The following NADK variants were observed in gnomAD, a reference collection of about 807,000 sequenced individuals.
NADK encodes the protein NAD kinase.
Under a neutral mutation model 49.8 loss-of-function variants are expected in NADK, and 22 were observed. The ratio of observed to expected loss-of-function variants is 0.44; its 90% CI spans 0.32 to 0.63. The LOEUF (loss-of-function observed/expected upper bound fraction) is 0.63, where lower values mean the gene tolerates loss of function less well. Among genes scored for constraint, NADK ranks in the 30% least tolerant of loss-of-function variants. The pLI, the probability that NADK is intolerant of heterozygous loss-of-function variation, is 0.06. For synonymous variants in NADK, 268 were observed against 253.7 expected (o/e 1.06, Z -0.54); for missense variants, 438 against 609.4 (o/e 0.72, Z 2.96).
At chr1:1,760,420 G>A (rs946819365) in intron 3 of NADK, among the ~76,000 whole-genome samples, 10 of 152,220 alleles carry the variant, frequency 6.6e-5, no homozygotes, top group Admixed American at 2.0e-4. Flanking sequence ...CTCCTCGGAT[G>A]ACTCCCCCGT....
chr1:1,774,032 G>A (rs1646135670), intron 1 of NADK, among the ~76,000 whole-genome samples: 1 of 151,996 alleles, frequency 6.6e-6, no homozygotes, highest in Non-Finnish European at 1.5e-5. Context: ...ACTGCACCCA[G>A]CCTAGAAGCT....
intron 1 of NADK, among the ~76,000 whole-genome samples, chr1:1,770,207 C>A (rs966280127): frequency 4.6e-5 from 7 of 151,400 alleles, no homozygotes; most frequent in East Asian, 1.9e-4. Context: ...GAAAAAAAAA[C>A]CATGAAAAAT....
chr1:1,754,153 G>A lies in NADK; in HGVS notation c.999C>T (p.Ala333=). Residue 333 remains alanine (A), a synonymous_variant, in exon 10 of 12, where the codon GCC becomes GCT. Coordinates refer to ENST00000341426, the MANE Select transcript of NADK (RefSeq NM_023018.5). The surrounding 1 kb of genome is among the most constrained non-coding windows in gnomAD (Gnocchi z 4.3). ...GSTAYAAAAG[A]SMIHPNVPAI... is the part of the protein sequence containing the mutation. The stretch of plus-strand genomic sequence containing the variant: ...CCGGCACGTTGGGGTGGATCATGGA[G>A]GCCCCGGCCGCGGCCGCATACGCCG... The A allele has an allele frequency of 6.2e-7, 1 of 1,612,260 alleles. No homozygotes were observed. Among genetic ancestry groups the A allele is most frequent in the African/African-American group, 1.3e-5 (1 of 75,012 alleles).
At chr1:1,755,785 C>T (rs1248539749) in intron 6 of NADK, among the ~76,000 whole-genome samples, 1 of 152,108 alleles carries the variant, frequency 6.6e-6, no homozygotes. Flanking sequence ...CGGAGCCTCG[C>T]GCCCCACAGG....
intron 6 of NADK, among the ~76,000 whole-genome samples, chr1:1,755,814 G>A (rs1410163751): frequency 2.0e-5 from 3 of 152,176 alleles, no homozygotes; most frequent in African/African-American, 7.2e-5. Context: ...GGGAGATGGG[G>A]AGAAAAGCAG....
Position 1,752,849 on chromosome 1 carries a change from C to T in NADK, c.*55G>A. The T allele has an allele frequency of 1.9e-6, 3 of 1,579,210 alleles. No individual in the cohort carries two copies. Among genetic ancestry groups the T allele is most frequent in the Non-Finnish European group, 2.6e-6 (3 of 1,159,744 alleles). On this transcript the variant is annotated 3_prime_UTR_variant, in exon 12 of 12. Coordinates refer to ENST00000341426, the MANE Select transcript of NADK (RefSeq NM_023018.5). ...ACAGACACACGCAGATTGGTCTGTC[C>T]CCAGAGGGCGCTTGGAGGGCAGCGG...
chr1:1,759,013 G>A, intron 3 of NADK: 1 of 1,416,306 alleles, frequency 7.1e-7, no homozygotes, highest in Non-Finnish European at 9.3e-7. Context: ...CGTGCAGGTG[G>A]CTCACGGTCC....
chr1:1,759,694 A>T lies in NADK; in HGVS notation c.263+2258T>A, dbSNP rs909377055. ...GGGGCGTGCTCCCATGGGGGTGCCG[A>T]GAAAGCTGCATGCCCCTCAAGGCTG... On this transcript the variant is annotated intron_variant, in intron 3 of 11. Coordinates refer to ENST00000341426, the MANE Select transcript of NADK (RefSeq NM_023018.5). 6.5e-6 allele frequency: 10 copies of T among 1,542,354 alleles called. No homozygotes were observed. In the African/African-American group the frequency reaches 1.4e-4, roughly 21 times the overall value.
chr1:1,756,863 C>CA, intron 4 of NADK: 2 of 812,272 alleles, frequency 2.5e-6, no homozygotes, highest in Non-Finnish European at 4.3e-6. Context: ...CTGGGCGCCG[C>CA]AACCCCCACG....
intron 3 of NADK, among the ~76,000 whole-genome samples, chr1:1,760,665 G>A (rs796699244): frequency 3.9e-5 from 6 of 152,360 alleles, no homozygotes; most frequent in African/African-American, 1.4e-4. Flanking sequence ...CCATGACTCC[G>A]TGAAGGAGGA....
chr1:1,760,719 T>A (rs1040036443), intron 3 of NADK, among the ~76,000 whole-genome samples: 4 of 151,754 alleles, frequency 2.6e-5, no homozygotes, highest in African/African-American at 9.7e-5. Flanking sequence ...GAGAGCCCGT[T>A]CTGCACAGAG....
chr1:1,773,693 T>TGC (rs1646120692), intron 1 of NADK, among the ~76,000 whole-genome samples: 1 of 91,410 alleles, frequency 1.1e-5, no homozygotes, highest in Admixed American at 1.4e-4. Flanking sequence ...TGTGTGTGTG[T>TGC]GTGTGTGTGT....
At chr1:1,758,340 C>G in intron 3 of NADK, 2 of 1,590,464 alleles carry the variant, frequency 1.3e-6, no homozygotes, top group Non-Finnish European at 1.7e-6. Context: ...TCGCTTGTGA[C>G]CTTCGGAAGC....
At position 1,776,700 on chromosome 1, in the gene NADK, G is replaced by A. The variant is rs558416757; in HGVS notation, c.-41+1589C>T. Among the ~76,000 whole-genome samples the A allele has an allele frequency of 4.0e-5, 6 of 151,536 alleles. No homozygotes were observed. The East Asian group carries it at 9.7e-4, about 24-fold the overall frequency. ...AGGCAGGAAAATCACTTGAACCCGG[G>A]AGGTGGAGGTTGCAGTGAGCCGAGA... On this transcript the variant is annotated intron_variant, in intron 1 of 11. Coordinates refer to ENST00000341426, the MANE Select transcript of NADK (RefSeq NM_023018.5).
chr1:1,753,308 A>G (rs911040258), intron 11 of NADK, among the ~76,000 whole-genome samples: 2 of 149,554 alleles, frequency 1.3e-5, no homozygotes, highest in Admixed American at 1.3e-4. Context: ...AGGTCCCAGG[A>G]GGTGGGTGGG....
In NADK at chr1:1,754,873, A is replaced by G. The variant is rs151299634; in HGVS notation, c.689-175T>C. On this transcript the variant is annotated intron_variant, in intron 7 of 11. Coordinates refer to ENST00000341426, the MANE Select transcript of NADK (RefSeq NM_023018.5). This position sits in a 1 kb window ranked among gnomAD's most constrained non-coding sequence, Gnocchi z 4.3. ...GTCTCACTCTGTCACCCAGGCTGGAATGCAGTGGTGTGATCTTGGCTCACT... is the reference window on the plus strand; with the variant it reads ...GTCTCACTCTGTCACCCAGGCTGGAGTGCAGTGGTGTGATCTTGGCTCACT... The G allele has an allele frequency of 2.6e-5, 16 of 619,596 alleles. No individual in the cohort carries two copies. In the African/African-American group the frequency reaches 2.6e-4, roughly 10 times the overall value. The allele number at this position is 619,596 out of a possible 1,614,324, so 38.4% of individuals were successfully genotyped here.
At chr1:1,779,530 G>T (rs1391718131), upstream of NADK, among the ~76,000 whole-genome samples, 1 of 152,178 alleles carries the variant, frequency 6.6e-6, no homozygotes. Context: ...CCAGGCCGGA[G>T]TCCAGTGGCG....
intron 7 of NADK, among the ~76,000 whole-genome samples, chr1:1,755,103 G>A (rs1290468304): frequency 6.6e-6 from 1 of 152,200 alleles, no homozygotes. Flanking sequence ...ACAGGCGTGA[G>A]CCACCGCGCC....
At chr1:1,756,404 G>A in intron 5 of NADK, 61 bp from the exon 6 acceptor site, 4 of 1,606,174 alleles carry the variant, frequency 2.5e-6, no homozygotes, top group South Asian at 1.1e-5. Flanking sequence ...CTGTGGCGCA[G>A]TGCGCAGACA....
Sources: allele counts gnomAD v4.1 joint callset (sites outside exome capture counted in the v4.1 genomes callset), GRCh38; gene constraint gnomAD v4.1.1; non-coding constraint Gnocchi (gnomAD v3.1); transcripts MANE v1.5; gene names NCBI Gene and HGNC (gene_info 2026-07-23, HGNC 2026-07-21).